The following PRKG1 variants were observed in gnomAD, a reference collection of about 807,000 sequenced individuals.
The protein encoded by PRKG1 is cGMP-dependent protein kinase 1.
Under a neutral mutation model 88.1 loss-of-function variants are expected in PRKG1, and 35 were observed. The observed-to-expected ratio is 0.40, with a 90% CI of 0.30 to 0.53. The LOEUF is 0.53. PRKG1 is among the 20% of genes least tolerant of loss of function. The pLI, the probability that PRKG1 is intolerant of heterozygous loss-of-function variation, is 0.59. For missense variants in PRKG1, 540 were observed against 839.8 expected (o/e 0.64, Z 4.41); for synonymous variants, 303 against 292.5 (o/e 1.04, Z -0.37).
chr10:51,845,783 A>G (rs1333873985), intron 4 of PRKG1, among the ~76,000 whole-genome samples: 2 of 152,066 alleles, frequency 1.3e-5, no homozygotes, highest in Non-Finnish European at 2.9e-5. Flanking sequence ...GGGTTGTCAT[A>G]CTTGCTAATT....
rs535741223 is a variant in PRKG1, at chr10:51,924,952, G to GT, written c.762+17394dup. Among the ~76,000 whole-genome samples the GT allele has an allele frequency of 6.0e-3, 840 of 140,888 alleles. 3 individuals are homozygous for GT. Among genetic ancestry groups the GT allele is most frequent in the African/African-American group, 0.014 (546 of 39,846 alleles). 92.4% of individuals were successfully genotyped at this position (140,888 alleles called of 152,430 possible). On this transcript the variant is annotated intron_variant, in intron 5 of 17. Coordinates refer to ENST00000373980, the MANE Select transcript of PRKG1 (RefSeq NM_006258.4). ...CTCACCTGTTCTTGTATGTTGCCTA[G>GT]TTTTTTTTTTTTCATTAGAACTCTT...
At chr10:51,132,638 T>G (rs1356172830) in intron 1 of PRKG1, among the ~76,000 whole-genome samples, 1 of 149,766 alleles carries the variant, frequency 6.7e-6, no homozygotes, top group Admixed American at 6.7e-5. Context: ...TCTACAAGTG[T>G]TTCTCCAGGA....
intron 5 of PRKG1, among the ~76,000 whole-genome samples, chr10:51,958,140 A>T (rs891428245): frequency 6.6e-6 from 1 of 152,162 alleles, no homozygotes. Context: ...CTGGAATGAA[A>T]ATGTACACTT....
intron 3 of PRKG1, among the ~76,000 whole-genome samples, chr10:51,516,767 T>C (rs1589038002): frequency 6.6e-6 from 1 of 152,340 alleles, no homozygotes; most frequent in Non-Finnish European, 1.5e-5. Flanking sequence ...CAAATGATTT[T>C]TGACTTTCCA....
chr10:51,398,947 C>T (rs1376314652), intron 2 of PRKG1, among the ~76,000 whole-genome samples: 3 of 152,174 alleles, frequency 2.0e-5, no homozygotes, highest in African/African-American at 7.2e-5. Context: ...TCAGACTAAA[C>T]CTTAGATCTT....
intron 9 of PRKG1, among the ~76,000 whole-genome samples, chr10:52,213,797 T>C (rs185186010): frequency 6.6e-6 from 1 of 152,306 alleles, no homozygotes; most frequent in African/African-American, 2.4e-5. Context: ...AGCTGTCTTT[T>C]GAAATTCACT....
chr10:51,817,205 T>C (rs1839608979), intron 4 of PRKG1, among the ~76,000 whole-genome samples: 1 of 152,138 alleles, frequency 6.6e-6, no homozygotes, highest in Non-Finnish European at 1.5e-5. Context: ...TTTTATTTTT[T>C]TTAAATTATA....
chr10:52,006,984 G>GA (rs912683354), intron 5 of PRKG1, among the ~76,000 whole-genome samples: 129 of 151,420 alleles, frequency 8.5e-4, no homozygotes, highest in African/African-American at 3.0e-3. Context: ...CTTTCTTAAA[G>GA]AAAAAAAAAT....
chr10:51,392,445 G>C lies in PRKG1; in HGVS notation c.479-75278G>C, dbSNP rs1312599715. Among the ~76,000 whole-genome samples the C allele has an allele frequency of 1.3e-5, 2 of 152,160 alleles. 1 individual carries two copies. Among genetic ancestry groups the C allele is most frequent in the East Asian group, 3.9e-4 (2 of 5,186 alleles). ...ACATGTTTCAGAGAGCACCGGGTTG[G>C]GGGTAAGGTCACAGATCCACAGGAT... On this transcript the variant is annotated intron_variant, in intron 2 of 17. Transcript: ENST00000373980.
rs577884285 is a variant in PRKG1 at position 52,039,456 on chromosome 10, G to C, written c.763-15028G>C. On this transcript the variant is annotated intron_variant, in intron 5 of 17. Coordinates refer to ENST00000373980, the MANE Select transcript of PRKG1 (RefSeq NM_006258.4). ...ATGTCATCAGTTAAGGTGGGGCAGGGCATATTCACTTCTTTTGTGATTCTT... is the reference window on the plus strand; with the variant it reads ...ATGTCATCAGTTAAGGTGGGGCAGGCCATATTCACTTCTTTTGTGATTCTT... Among the ~76,000 whole-genome samples the C allele has an allele frequency of 1.1e-3, 165 of 152,246 alleles. 1 individual carries two copies. The highest frequency in any genetic ancestry group is 6.0e-3 in the South Asian group (29 of 4,822).
intron 2 of PRKG1, among the ~76,000 whole-genome samples, chr10:51,297,586 A>ATT (rs2132232783): frequency 6.6e-6 from 1 of 152,220 alleles, no homozygotes; most frequent in East Asian, 1.9e-4. Context: ...GCTGGGGAGA[A>ATT]AGCAAAAGCA....
intron 5 of PRKG1, among the ~76,000 whole-genome samples, chr10:51,967,425 G>T (rs1843598594): frequency 6.6e-6 from 1 of 152,070 alleles, no homozygotes; most frequent in Admixed American, 6.5e-5. Context: ...GTGGGGGATG[G>T]GGGAGGGATA....
chr10:51,943,592 G>A (rs1208061631), intron 5 of PRKG1, among the ~76,000 whole-genome samples: 1 of 152,020 alleles, frequency 6.6e-6, no homozygotes, highest in Non-Finnish European at 1.5e-5. Flanking sequence ...CTGTGAGTTT[G>A]TCATAGATAG....
intron 2 of PRKG1, among the ~76,000 whole-genome samples, chr10:51,276,367 T>C (rs1295871030): frequency 1.3e-5 from 2 of 152,236 alleles, no homozygotes; most frequent in African/African-American, 2.4e-5. Flanking sequence ...TCCATCATTG[T>C]TGGACATTTG....
chr10:51,283,840 C>T (rs955811178), intron 2 of PRKG1, among the ~76,000 whole-genome samples: 1 of 152,090 alleles, frequency 6.6e-6, no homozygotes, highest in Non-Finnish European at 1.5e-5. Context: ...ACCATCCACT[C>T]GAGACCCCAA....
intron 3 of PRKG1, among the ~76,000 whole-genome samples, chr10:51,538,833 T>C (rs540174578): frequency 2.0e-5 from 3 of 152,254 alleles, no homozygotes; most frequent in Non-Finnish European, 4.4e-5. Flanking sequence ...TCCTCTTATC[T>C]TAGACTGCTG....
chr10:51,296,942 G>C (rs1160111903), intron 2 of PRKG1, among the ~76,000 whole-genome samples: 1 of 151,902 alleles, frequency 6.6e-6, no homozygotes, highest in East Asian at 1.9e-4. Flanking sequence ...CTCTTAACTT[G>C]AATAAATATA....
intron 3 of PRKG1, chr10:51,699,156 C>T (rs77628985): frequency 2.5e-6 from 4 of 1,614,064 alleles, no homozygotes; most frequent in Non-Finnish European, 3.4e-6. Context: ...AGACTGGCTA[C>T]TGCTCTGGTA....
At chr10:51,323,848 G>A (rs1174806256) in intron 2 of PRKG1, among the ~76,000 whole-genome samples, 1 of 152,148 alleles carries the variant, frequency 6.6e-6, no homozygotes, top group Admixed American at 6.5e-5. Context: ...AGCTACTCAG[G>A]AGGCTGATGC....
Sources: allele counts gnomAD v4.1 joint callset (sites outside exome capture counted in the v4.1 genomes callset), GRCh38; gene constraint gnomAD v4.1.1; transcripts MANE v1.5; gene names NCBI Gene and HGNC (gene_info 2026-07-23, HGNC 2026-07-21).